AAMP: variants seen among roughly 807,000 people sequenced by gnomAD.
AAMP encodes the protein angio-associated migratory cell protein.
A neutral mutation model predicts 51.1 loss-of-function variants in AAMP; 12 were observed. That is an observed-to-expected ratio of 0.23 (90% confidence interval 0.15 to 0.38). The LOEUF is 0.38. Among genes scored for constraint, AAMP ranks in the 10% least tolerant of loss-of-function variants. AAMP has a pLI of 1.00. For synonymous variants in AAMP, 210 were observed against 218.7 expected (o/e 0.96, Z 0.35); for missense variants, 418 against 557.2 (o/e 0.75, Z 2.52).
At position 218,264,470 on chromosome 2, in the gene AAMP, C is replaced by T; in HGVS notation, c.*63G>A. 1 of 1,513,178 alleles carries T rather than the reference C, an allele frequency of 6.6e-7. No individual in the cohort carries two copies. Among genetic ancestry groups the T allele is most frequent in the Non-Finnish European group, 9.2e-7 (1 of 1,088,938 alleles). 93.7% of individuals were successfully genotyped at this position (1,513,178 alleles called of 1,614,324 possible). On this transcript the variant is annotated 3_prime_UTR_variant, in exon 11 of 11. Transcript: ENST00000248450. ...CTCTGTGCCCTACTGCCTCTGCTGG[C>T]AGACAGGGGCAGGGGTCCCTTCGTC...
Position 218,265,233 on chromosome 2 carries a change from G to T in AAMP, c.1075-59C>A. Reference sequence around the variant, plus strand: ...TTGGCAGGAGAGCTGAGAGCCATCTGCTCCCAATTCTCAAAGAGGGACAGC... The same window carrying T: ...TTGGCAGGAGAGCTGAGAGCCATCTTCTCCCAATTCTCAAAGAGGGACAGC... On this transcript the variant is annotated intron_variant, in intron 9 of 10. Coordinates refer to ENST00000248450, the MANE Select transcript of AAMP (RefSeq NM_001087.5). This position sits in a 1 kb window ranked among gnomAD's most constrained non-coding sequence, Gnocchi z 6.6. The T allele has an allele frequency of 1.3e-6, 2 of 1,564,952 alleles. No individual in the cohort carries two copies. Among genetic ancestry groups the T allele is most frequent in the Non-Finnish European group, 1.7e-6 (2 of 1,155,120 alleles).
intron 1 of AAMP, 126 bp from the exon 2 acceptor site, chr2:218,269,660 G>C (rs1483042166): frequency 1.3e-5 from 20 of 1,487,564 alleles, no homozygotes; most frequent in Non-Finnish European, 2.8e-6. Context: ...CAGACACACC[G>C]GGGTCCGCGG....
intron 2 of AAMP, among the ~76,000 whole-genome samples, chr2:218,268,666 T>C (rs1051298209): frequency 6.6e-6 from 1 of 150,848 alleles, no homozygotes; most frequent in African/African-American, 2.4e-5. Context: ...TTATACTCAC[T>C]ACTTTTATTA....
Position 218,266,751 on chromosome 2 carries a change from C to G in AAMP, c.534+96G>C. The G allele has an allele frequency of 1.3e-6, 2 of 1,580,868 alleles. No individual in the cohort carries two copies. Among genetic ancestry groups the G allele is most frequent in the Non-Finnish European group, 1.7e-6 (2 of 1,160,088 alleles). ...TGCCTTGGGGCGCATTGGCTCAGAG[C>G]TGGCTTGGCGCAATAAAGGCAGAAC... On this transcript the variant is annotated intron_variant, in intron 4 of 10. Transcript: ENST00000248450. This position sits in a 1 kb window ranked among gnomAD's most constrained non-coding sequence, Gnocchi z 4.7.
At position 218,267,297 on chromosome 2, in the gene AAMP, C is replaced by A. The variant is rs1266957675; in HGVS notation, c.394+197G>T. On this transcript the variant is annotated intron_variant, in intron 3 of 10. Coordinates refer to ENST00000248450, the MANE Select transcript of AAMP (RefSeq NM_001087.5). This position sits in a 1 kb window ranked among gnomAD's most constrained non-coding sequence, Gnocchi z 4.6. Reference sequence around the variant, plus strand: ...GCCTTCTCTGGCCTTTCCTGGATTCCCTTGGCCAATTAGTGCCTCCTGCCT... The same window carrying A: ...GCCTTCTCTGGCCTTTCCTGGATTCACTTGGCCAATTAGTGCCTCCTGCCT... The A allele has an allele frequency of 1.2e-6, 1 of 835,752 alleles. No individual in the cohort carries two copies. The highest frequency in any genetic ancestry group is 1.9e-6 in the Non-Finnish European group (1 of 538,012). The allele number at this position is 835,752 out of a possible 1,614,324, so 51.8% of individuals were successfully genotyped here. A position where few individuals can be genotyped will look rare whatever the true frequency, so the allele number is the denominator to read the frequency against.
Position 218,266,235 on chromosome 2 carries a change from TG to T in AAMP, c.680-89del. On this transcript the variant is annotated intron_variant, in intron 5 of 10. Coordinates refer to ENST00000248450, the MANE Select transcript of AAMP (RefSeq NM_001087.5). The surrounding 1 kb of genome is among the most constrained non-coding windows in gnomAD (Gnocchi z 4.7). Reference sequence around the variant, plus strand: ...TGGGGAGAGGGAGAGGAAAGAAGAGTGGAAGGGCCCAGACACTGCCCCAGGA... The same window carrying T: ...TGGGGAGAGGGAGAGGAAAGAAGAGTGAAGGGCCCAGACACTGCCCCAGGA... 7.1e-7 allele frequency: 1 copy of T among 1,399,870 alleles called. No individual in the cohort carries two copies. The allele number at this position is 1,399,870 out of a possible 1,614,324, so 86.7% of individuals were successfully genotyped here.
Position 218,267,653 on chromosome 2 carries a change from C to T in AAMP, c.275-40G>A, listed in dbSNP as rs750021699. 1 of 1,613,458 alleles carries T rather than the reference C, an allele frequency of 6.2e-7. No individual in the cohort carries two copies. Among genetic ancestry groups the T allele is most frequent in the African/African-American group, 1.3e-5 (1 of 75,006 alleles). ...ATTCCATGGGTAAGGGGACAGAGCT[C>T]CCACCTAGGGCTCTGTCCTTCACAA... On this transcript the variant is annotated intron_variant, in intron 2 of 10. Transcript: ENST00000248450. This position sits in a 1 kb window ranked among gnomAD's most constrained non-coding sequence, Gnocchi z 4.6.
rs781190732 is a variant in AAMP, at chr2:218,265,202, C to T, written c.1075-28G>A. On this transcript the variant is annotated intron_variant, in intron 9 of 10. Coordinates refer to ENST00000248450, the MANE Select transcript of AAMP (RefSeq NM_001087.5). This position sits in a 1 kb window ranked among gnomAD's most constrained non-coding sequence, Gnocchi z 6.6. The stretch of plus-strand genomic sequence containing the variant: ...GCCCCGAGGAATGACAGAGGCAGGG[C>T]GGAGGTTGGCAGGAGAGCTGAGAGC... The T allele has an allele frequency of 8.9e-6, 14 of 1,570,154 alleles. No individual in the cohort carries two copies. The highest frequency in any genetic ancestry group is 3.6e-5 in the Admixed American group (2 of 56,232).
chr2:218,267,723 C>T lies in AAMP; in HGVS notation c.275-110G>A. 1 of 1,385,378 alleles carries T rather than the reference C, an allele frequency of 7.2e-7. No individual in the cohort carries two copies. The highest frequency in any genetic ancestry group is 1.0e-6 in the Non-Finnish European group (1 of 996,182). The allele number at this position is 1,385,378 out of a possible 1,614,324, so 85.8% of individuals were successfully genotyped here. A position where few individuals can be genotyped will look rare whatever the true frequency, so the allele number is the denominator to read the frequency against. On this transcript the variant is annotated intron_variant, in intron 2 of 10. Transcript: ENST00000248450. The surrounding 1 kb of genome is among the most constrained non-coding windows in gnomAD (Gnocchi z 4.6). The stretch of plus-strand genomic sequence containing the variant: ...CTTTCACCCAAAGCGTGTCTTTCCT[C>T]CTGGAAAACACAGGTACATCCAAGT...
chr2:218,270,038 C>G lies in AAMP; in HGVS notation c.49G>C (p.Glu17Gln). 6.2e-7 allele frequency: 1 copy of G among 1,614,100 alleles called. No individual in the cohort carries two copies. Among genetic ancestry groups the G allele is most frequent in the Non-Finnish European group, 8.5e-7 (1 of 1,180,004 alleles). ...TCATCACCATGGAAGCTTAGGGTCT[C>G]CAGTGGGGGGGTGTCAGCAGCAGCC... The part of the protein sequence containing the change: ...SGAAADTPPL[E>Q]TLSFHGDEEI... Residue 17 changes from glutamate to glutamine, a missense_variant, in exon 1 of 11, where the codon GAG becomes CAG. By Grantham distance (29) the Glu-to-Gln change is conservative (BLOSUM62 2). Coordinates refer to ENST00000248450, the MANE Select transcript of AAMP (RefSeq NM_001087.5).
intron 1 of AAMP, 76 bp downstream of exon 1, chr2:218,269,890 G>T: frequency 6.3e-7 from 1 of 1,597,680 alleles, no homozygotes; most frequent in Non-Finnish European, 8.6e-7. Context: ...GTGTGGAGGG[G>T]AGCGGGGAAA....
In AAMP at chr2:218,265,379, G is replaced by C; in HGVS notation, c.1066C>G (p.Gln356Glu). 1 of 1,558,584 alleles carries C rather than the reference G, an allele frequency of 6.4e-7. No homozygotes were observed. Among genetic ancestry groups the C allele is most frequent in the African/African-American group, 1.4e-5 (1 of 73,642 alleles). Reference sequence around the variant, plus strand: ...GCTCCAGCTGCCCATACCTGGTGCTGACACTGATGCCTAAGAGTCTGCGTA... The same window carrying C: ...GCTCCAGCTGCCCATACCTGGTGCTCACACTGATGCCTAAGAGTCTGCGTA... ...LATQTLRHQC[Q>E]HQSGIVQLLW... is the part of the protein sequence containing the mutation. Residue 356 changes from glutamine (Q) to glutamate (E), a missense_variant, in exon 9 of 11, where the codon CAG (glutamine) becomes GAG (glutamate). Gln to Glu is a conservative substitution (Grantham distance 29). Coordinates refer to ENST00000248450, the MANE Select transcript of AAMP (RefSeq NM_001087.5). This position sits in a 1 kb window ranked among gnomAD's most constrained non-coding sequence, Gnocchi z 6.6.
chr2:218,266,421 C>T lies in AAMP; in HGVS notation c.679+22G>A, dbSNP rs534059484. 7 of 1,609,648 alleles carry T rather than the reference C, an allele frequency of 4.3e-6. No individual in the cohort carries two copies. The South Asian group carries it at 7.7e-5, about 18-fold the overall frequency. ...TTCGGCCTCTGCACCCAGGAAAGGT[C>T]ACTCAAGGGAGGTGCTCTCACCATC... On this transcript the variant is annotated intron_variant, in intron 5 of 10. Transcript: ENST00000248450. The surrounding 1 kb of genome is among the most constrained non-coding windows in gnomAD (Gnocchi z 4.7).
chr2:218,267,900 T>C lies in AAMP; in HGVS notation c.275-287A>G, dbSNP rs1690671970. Among the ~76,000 whole-genome samples the C allele has an allele frequency of 6.6e-6, 1 of 152,170 alleles. No individual in the cohort carries two copies. On this transcript the variant is annotated intron_variant, in intron 2 of 10. Coordinates refer to ENST00000248450, the MANE Select transcript of AAMP (RefSeq NM_001087.5). The surrounding 1 kb of genome is among the most constrained non-coding windows in gnomAD (Gnocchi z 4.6). ...GTGGGGACAGGTGCAGGGCTTACAG[T>C]TGTCAGCATGGGATGCCACCGGGGT...
rs756124610 is a variant in AAMP, at chr2:218,265,421, C to T, written c.1024G>A (p.Ala342Thr). ...GTCTGCGTAGCCAGGTCATAGATGG[C>T]CAAGGTCCCATCCAGGTAGCCAACA... Reference protein sequence around the residue: ...AAVGYLDGTLAIYDLATQTLR... With the variant: ...AAVGYLDGTLTIYDLATQTLR... The change falls in exon 9 of 11, where the codon GCC becomes ACC. Residue 342 changes from alanine (A) to threonine (T), a missense_variant. Coordinates refer to ENST00000248450, the MANE Select transcript of AAMP (RefSeq NM_001087.5). This position sits in a 1 kb window ranked among gnomAD's most constrained non-coding sequence, Gnocchi z 6.6. 3.8e-6 allele frequency: 6 copies of T among 1,564,512 alleles called. No individual in the cohort carries two copies. Among genetic ancestry groups the T allele is most frequent in the Non-Finnish European group, 5.2e-6 (6 of 1,153,670 alleles).
In AAMP at chr2:218,267,897, C is replaced by T. The variant is rs1227498798; in HGVS notation, c.275-284G>A. On this transcript the variant is annotated intron_variant, in intron 2 of 10. Coordinates refer to ENST00000248450, the MANE Select transcript of AAMP (RefSeq NM_001087.5). This position sits in a 1 kb window ranked among gnomAD's most constrained non-coding sequence, Gnocchi z 4.6. ...GAGGTGGGGACAGGTGCAGGGCTTA[C>T]AGTTGTCAGCATGGGATGCCACCGG... is the stretch of plus-strand genomic sequence containing the variant. 1.3e-5 allele frequency among the ~76,000 whole-genome samples: 2 copies of T among 152,174 alleles called. No homozygotes were observed. Among genetic ancestry groups the T allele is most frequent in the Non-Finnish European group, 2.9e-5 (2 of 68,038 alleles).
At chr2:218,264,877 GGGGGCT>G in intron 10 of AAMP, 137 bp downstream of exon 10, 1 of 1,353,208 alleles carries the variant, frequency 7.4e-7, no homozygotes, top group Non-Finnish European at 1.0e-6. Flanking sequence ...CCACTGGAAT[GGGGGCT>G]GGGCTGTGAA....
chr2:218,269,357 G>A (rs1213688535), intron 2 of AAMP, 25 bp downstream of exon 2: 10 of 1,612,700 alleles, frequency 6.2e-6, no homozygotes, highest in Non-Finnish European at 8.5e-6. Flanking sequence ...AAACTGATTT[G>A]AGGTGGATCG....
rs191285707 is a variant in AAMP, at chr2:218,269,317, G to A, written c.274+65C>T. ...GTGTCCCCCATAACGTTCTGTCCAT[G>A]GCTGATGTTTAATGCTTACACGCCC... On this transcript the variant is annotated intron_variant, in intron 2 of 10. Transcript: ENST00000248450. 2.5e-5 allele frequency: 40 copies of A among 1,597,490 alleles called. No homozygotes were observed. The South Asian group carries it at 3.2e-4, about 13-fold the overall frequency.
Sources: allele counts gnomAD v4.1 joint callset (sites outside exome capture counted in the v4.1 genomes callset), GRCh38; gene constraint gnomAD v4.1.1; non-coding constraint Gnocchi (gnomAD v3.1); transcripts MANE v1.5; gene names NCBI Gene and HGNC (gene_info 2026-07-23, HGNC 2026-07-21).